SNAPC3: variants seen among roughly 807,000 people sequenced by gnomAD.
The protein encoded by SNAPC3 is small nuclear RNA activating complex polypeptide 3, also known as snRNA-activating protein complex subunit 3.
In SNAPC3, 56 loss-of-function variants were observed where a neutral mutation model predicts 47.7. That is an observed-to-expected ratio of 1.18 (90% CI 0.95 to 1.47). The LOEUF (loss-of-function observed/expected upper bound fraction) is 1.47, where lower values mean the gene tolerates loss of function less well. Ranked by LOEUF, SNAPC3 falls within the 40% of genes most tolerant of loss-of-function variation. The probability of loss-of-function intolerance (pLI) is 0.00; values close to 1 mark genes in which losing one functional copy is unlikely to be tolerated. For synonymous variants in SNAPC3, 235 were observed against 189.9 expected, an observed-to-expected ratio of 1.24 and a Z score of -1.95; for missense variants, 665 against 511.3, an observed-to-expected ratio of 1.30 and a Z score of -2.90.
At chr9:15,424,105 G>C (rs139932752) in intron 2 of SNAPC3, 119 bp downstream of exon 2, 117 of 492,430 alleles carry the variant, frequency 2.4e-4, no homozygotes, top group Non-Finnish European at 3.8e-4. Context: ...AAATTCAGCT[G>C]TTCTTAATAT....
At chr9:15,447,357 C>T in intron 5 of SNAPC3, 113 bp downstream of exon 5, 1 of 767,882 alleles carries the variant, frequency 1.3e-6, no homozygotes, top group Non-Finnish European at 2.0e-6. Context: ...CTGCGGGATT[C>T]CATCAAACTA....
At chr9:15,447,907 G>A (rs1028249825) in intron 5 of SNAPC3, among the ~76,000 whole-genome samples, 1 of 152,100 alleles carries the variant, frequency 6.6e-6, no homozygotes, top group South Asian at 2.1e-4. Context: ...CATACCCCCT[G>A]GATAAGGATG....
At chr9:15,450,131 C>T (rs975976896) in intron 5 of SNAPC3, among the ~76,000 whole-genome samples, 1 of 152,070 alleles carries the variant, frequency 6.6e-6, no homozygotes, top group Non-Finnish European at 1.5e-5. Flanking sequence ...ATTGTAGCAG[C>T]TAGTCATATG....
At chr9:15,448,643 A>G (rs1201956983) in intron 5 of SNAPC3, among the ~76,000 whole-genome samples, 2 of 152,188 alleles carry the variant, frequency 1.3e-5, no homozygotes, top group Non-Finnish European at 2.9e-5. Context: ...GGAGACTAGC[A>G]TATGGCTCAC....
chr9:15,433,795 A>G (rs2032467552), intron 3 of SNAPC3, 159 bp downstream of exon 3: 3 of 477,394 alleles, frequency 6.3e-6, no homozygotes, highest in Middle Eastern at 5.2e-4. Context: ...GTGAGAGAAG[A>G]GGACCCTTAG....
intron 7 of SNAPC3, among the ~76,000 whole-genome samples, chr9:15,456,687 T>G (rs1300925163): frequency 6.6e-6 from 1 of 151,514 alleles, no homozygotes; most frequent in African/African-American, 2.4e-5. Flanking sequence ...AGGCTGGTCT[T>G]GAACTCCTGA....
downstream of SNAPC3, chr9:15,464,643 C>A (rs1371392739): frequency 5.0e-6 from 1 of 198,278 alleles, no homozygotes; most frequent in African/African-American, 2.3e-5. Flanking sequence ...ATTTTTTCTT[C>A]CAATTAAGTT....
downstream of SNAPC3, chr9:15,462,865 A>G (rs2035323796): frequency 6.6e-6 from 1 of 152,172 alleles, no homozygotes; most frequent in Non-Finnish European, 1.5e-5. Flanking sequence ...TTTCCATTAG[A>G]GCATCCTTTT....
chr9:15,447,150 C>G lies in SNAPC3; in HGVS notation c.638C>G (p.Thr213Arg). ...TMLVLGSQKL[T>R]QLRDSIRCVS... ...CTGGTGTTGGGCAGTCAAAAACTCA[C>G]ACAACTGAGGGATTCAATTCGATGT... is the stretch of plus-strand genomic sequence containing the variant. The change falls in exon 5 of 9, where the codon ACA (threonine) becomes AGA (arginine). Residue 213 changes from threonine to arginine, a missense_variant. Coordinates refer to ENST00000380821, the MANE Select transcript of SNAPC3 (RefSeq NM_001039697.2). The G allele has an allele frequency of 1.9e-6, 3 of 1,613,934 alleles. No homozygotes were observed. Among genetic ancestry groups the G allele is most frequent in the South Asian group, 2.2e-5 (2 of 91,070 alleles).
chr9:15,442,349 G>A (rs1189573461), intron 3 of SNAPC3, among the ~76,000 whole-genome samples: 2 of 151,448 alleles, frequency 1.3e-5, no homozygotes, highest in African/African-American at 4.9e-5. Context: ...CGGCTGCCGG[G>A]CAGAGACGCT....
chr9:15,452,224 A>G (rs1312394263), intron 6 of SNAPC3, among the ~76,000 whole-genome samples: 2 of 152,064 alleles, frequency 1.3e-5, no homozygotes, highest in South Asian at 2.1e-4. Context: ...CGGCCTCCCA[A>G]ACTGCTAACG....
At chr9:15,426,391 C>G (rs1036738465) in intron 2 of SNAPC3, among the ~76,000 whole-genome samples, 1 of 152,178 alleles carries the variant, frequency 6.6e-6, no homozygotes, top group Non-Finnish European at 1.5e-5. Context: ...TATTGAAATG[C>G]TCATCACATC....
intron 3 of SNAPC3, among the ~76,000 whole-genome samples, chr9:15,441,962 A>C (rs910976203): frequency 6.6e-6 from 1 of 151,510 alleles, no homozygotes; most frequent in Admixed American, 6.6e-5. Context: ...ACTTCCCAGA[A>C]GGGGCGGCCA....
chr9:15,448,334 C>G (rs959819023), intron 5 of SNAPC3, among the ~76,000 whole-genome samples: 1 of 152,178 alleles, frequency 6.6e-6, no homozygotes, highest in Non-Finnish European at 1.5e-5. Context: ...CTTTACACCT[C>G]ATTCATCCAT....
At chr9:15,431,996 A>G (rs2032223571) in intron 2 of SNAPC3, 1 of 148,216 alleles carries the variant, frequency 6.7e-6, no homozygotes. Context: ...ATAAAATGCT[A>G]CCAAAAGCGT....
chr9:15,444,584 C>G lies in SNAPC3; in HGVS notation c.478-18C>G. On this transcript the variant is annotated intron_variant, in intron 3 of 8. Coordinates refer to ENST00000380821, the MANE Select transcript of SNAPC3 (RefSeq NM_001039697.2). Reference sequence around the variant, plus strand: ...GAGTTATAGTATCTGATTTCAGTGTCTCTTTTTCTTTCTTCAGGAGTCACA... The same window carrying G: ...GAGTTATAGTATCTGATTTCAGTGTGTCTTTTTCTTTCTTCAGGAGTCACA... 2 of 1,485,496 alleles carry G rather than the reference C, an allele frequency of 1.3e-6. No individual in the cohort carries two copies. Among genetic ancestry groups the G allele is most frequent in the African/African-American group, 1.4e-5 (1 of 72,252 alleles). 92.0% of individuals were successfully genotyped at this position (1,485,496 alleles called of 1,614,324 possible).
intron 7 of SNAPC3, among the ~76,000 whole-genome samples, chr9:15,454,741 T>C (rs1301235448): frequency 6.6e-6 from 1 of 152,078 alleles, no homozygotes; most frequent in Non-Finnish European, 1.5e-5. Flanking sequence ...ATCGAGACCA[T>C]GCTGGCTAAC....
At chr9:15,457,355 G>A (rs2034871541) in intron 7 of SNAPC3, among the ~76,000 whole-genome samples, 1 of 152,148 alleles carries the variant, frequency 6.6e-6, no homozygotes, top group Non-Finnish European at 1.5e-5. Flanking sequence ...AGCACCTTGG[G>A]AGGCTGAGGT....
At chr9:15,444,855 G>C (rs1434679574) in intron 4 of SNAPC3, 149 bp downstream of exon 4, 2 of 493,082 alleles carry the variant, frequency 4.1e-6, no homozygotes, top group Non-Finnish European at 7.2e-6. Flanking sequence ...ACTTTGGGAG[G>C]CCAAGGCAGG....
Sources: allele counts gnomAD v4.1 joint callset (sites outside exome capture counted in the v4.1 genomes callset), GRCh38; gene constraint gnomAD v4.1.1; transcripts MANE v1.5; gene names NCBI Gene and HGNC (gene_info 2026-07-23, HGNC 2026-07-21).